STOX2: variants seen among roughly 807,000 people sequenced by gnomAD.
STOX2 encodes storkhead box 2, also known as storkhead-box protein 2.
Under a neutral mutation model 60.9 loss-of-function variants are expected in STOX2, and 28 were observed. The ratio of observed to expected loss-of-function variants is 0.46; its 90% CI spans 0.34 to 0.63. The LOEUF (loss-of-function observed/expected upper bound fraction) is 0.63. Ranked by LOEUF, STOX2 falls within the 30% of genes least tolerant of loss-of-function variation. The pLI is 0.01. For missense variants in STOX2, 1,024 were observed against 1,187.7 expected, an observed-to-expected ratio of 0.86 and a Z score of 2.03; for synonymous variants, 472 against 463.9, an observed-to-expected ratio of 1.02 and a Z score of -0.22.
chr4:183,828,181 C>T (rs918516841), intron 1 of STOX2, among the ~76,000 whole-genome samples: 2 of 152,154 alleles, frequency 1.3e-5, no homozygotes, highest in African/African-American at 2.4e-5. Context: ...TTGCAAGGCA[C>T]GGTTTGAGGC....
chr4:183,932,379 GTATA>G (rs1257733254), intron 1 of STOX2, among the ~76,000 whole-genome samples: 1 of 13,622 alleles, frequency 7.3e-5, no homozygotes, highest in Admixed American at 8.9e-4. Context: ...TATACATACA[GTATA>G]TGTATGTATA....
intron 1 of STOX2, among the ~76,000 whole-genome samples, chr4:184,000,577 T>A (rs1369795605): frequency 2.6e-5 from 4 of 152,184 alleles, no homozygotes; most frequent in Non-Finnish European, 5.9e-5. Context: ...CCTACCTACC[T>A]GTCCCCCTTC....
chr4:184,011,230 G>T lies in STOX2; in HGVS notation c.2392G>T (p.Asp798Tyr), dbSNP rs762070431. Residue 798 changes from aspartate to tyrosine, a missense_variant, in exon 3 of 4, where the codon GAC (aspartate) becomes TAC (tyrosine). Asp to Tyr is a radical substitution (Grantham distance 160, BLOSUM62 -3). Transcript: ENST00000308497. The surrounding 1 kb of genome is among the most constrained non-coding windows in gnomAD (Gnocchi z 4.4). Reference protein sequence around the residue: ...KNTEEEKNREDVGTMQWLLER... With the variant: ...KNTEEEKNREYVGTMQWLLER... ...CACAGAGGAGGAGAAAAATAGAGAGGACGTAGGCACCATGCAGTGGCTCCT... is the reference window on the plus strand; with the variant it reads ...CACAGAGGAGGAGAAAAATAGAGAGTACGTAGGCACCATGCAGTGGCTCCT... 2.0e-5 allele frequency: 33 copies of T among 1,612,000 alleles called. No homozygotes were observed. The highest frequency in any genetic ancestry group is 2.6e-5 in the Non-Finnish European group (31 of 1,179,090).
chr4:183,837,369 A>G (rs1430651679), intron 1 of STOX2, among the ~76,000 whole-genome samples: 1 of 151,834 alleles, frequency 6.6e-6, no homozygotes, highest in Non-Finnish European at 1.5e-5. Context: ...GGAGTTTCCT[A>G]TTCTAGGTAC....
intron 1 of STOX2, among the ~76,000 whole-genome samples, chr4:183,919,435 G>C (rs13123798): frequency 0.56 from 84,339 of 151,864 alleles, 24,552 homozygotes; most frequent in Non-Finnish European, 0.66. Context: ...GTCAGGCCCC[G>C]CCGGGAGGTG....
chr4:183,800,756 A>G (rs1326172861), intron 1 of STOX2, among the ~76,000 whole-genome samples: 1 of 152,210 alleles, frequency 6.6e-6, no homozygotes, highest in African/African-American at 2.4e-5. Context: ...TGTGTTTCAG[A>G]TGATCTCTTA....
At chr4:183,929,199 A>G (rs946278582) in intron 1 of STOX2, among the ~76,000 whole-genome samples, 2 of 152,232 alleles carry the variant, frequency 1.3e-5, no homozygotes, top group East Asian at 3.8e-4. Flanking sequence ...CCCATTGCTC[A>G]TGGCTGGTTT....
intron 1 of STOX2, among the ~76,000 whole-genome samples, chr4:183,970,731 CT>C: frequency 6.6e-6 from 1 of 152,350 alleles, no homozygotes; most frequent in African/African-American, 2.4e-5. Flanking sequence ...GATTAAAATC[CT>C]CATTTGGGTC....
At chr4:183,886,668 T>TA in intron 1 of STOX2, among the ~76,000 whole-genome samples, 1 of 152,106 alleles carries the variant, frequency 6.6e-6, no homozygotes, top group African/African-American at 2.4e-5. Context: ...AGTAGTGGGG[T>TA]AAGTAGTGTG....
intron 1 of STOX2, among the ~76,000 whole-genome samples, chr4:183,938,211 C>T (rs1257351355): frequency 6.6e-6 from 1 of 152,172 alleles, no homozygotes; most frequent in Non-Finnish European, 1.5e-5. Flanking sequence ...TTCCATTCTC[C>T]TTAACATACC....
chr4:184,019,480 A>G lies in STOX2; in HGVS notation c.*2196A>G, dbSNP rs1401028399. On this transcript the variant is annotated 3_prime_UTR_variant, in exon 4 of 4. Coordinates refer to ENST00000308497, the MANE Select transcript of STOX2 (RefSeq NM_020225.3). ...AATAATATAACCATTGAAACAACACATCAGCCTCTAGCTGATCCTCTGAAA... is the reference window on the plus strand; with the variant it reads ...AATAATATAACCATTGAAACAACACGTCAGCCTCTAGCTGATCCTCTGAAA... The G allele has an allele frequency of 6.6e-6, 1 of 152,244 alleles. No individual in the cohort carries two copies. The highest frequency in any genetic ancestry group is 1.5e-5 in the Non-Finnish European group (1 of 68,038). The allele number at this position is 152,244 out of a possible 1,614,324, so 9.4% of individuals were successfully genotyped here. A position where few individuals can be genotyped will look rare whatever the true frequency, so the allele number is the denominator to read the frequency against.
chr4:183,979,695 A>G (rs1299747206), intron 1 of STOX2, among the ~76,000 whole-genome samples: 1 of 152,184 alleles, frequency 6.6e-6, no homozygotes, highest in Non-Finnish European at 1.5e-5. Flanking sequence ...AGAAAGTTCC[A>G]TACGACACTA....
chr4:183,948,540 C>CTTT (rs10687778), intron 1 of STOX2, among the ~76,000 whole-genome samples: 18,653 of 77,456 alleles, frequency 0.24, 3,122 homozygotes, highest in East Asian at 0.29. Context: ...ATGCCTTATC[C>CTTT]TTTTTTTTTT....
At chr4:183,997,343 C>T (rs1733385188) in intron 1 of STOX2, among the ~76,000 whole-genome samples, 1 of 152,196 alleles carries the variant, frequency 6.6e-6, no homozygotes, top group Non-Finnish European at 1.5e-5. Flanking sequence ...GTTCAAAGAA[C>T]AGAGGAGGTC....
intron 1 of STOX2, among the ~76,000 whole-genome samples, chr4:183,995,434 GT>G (rs544243726): frequency 6.7e-6 from 1 of 149,858 alleles, no homozygotes; most frequent in African/African-American, 2.5e-5. Context: ...GTGAGAGAGA[GT>G]TTTTTTTAAA....
intron 1 of STOX2, among the ~76,000 whole-genome samples, chr4:183,993,226 CAA>C (rs1342972352): frequency 6.6e-6 from 1 of 152,166 alleles, no homozygotes; most frequent in Admixed American, 6.5e-5. Flanking sequence ...ATCTCAGTAA[CAA>C]GAGCAATAGC....
chr4:183,816,723 C>T (rs1180169298), intron 1 of STOX2, among the ~76,000 whole-genome samples: 1 of 152,130 alleles, frequency 6.6e-6, no homozygotes, highest in African/African-American at 2.4e-5. Flanking sequence ...TTCTTCCACA[C>T]ATGAGATGGA....
chr4:183,829,418 G>C (rs1295599208), intron 1 of STOX2, among the ~76,000 whole-genome samples: 1 of 152,150 alleles, frequency 6.6e-6, no homozygotes, highest in Non-Finnish European at 1.5e-5. Context: ...TCATTTGTTT[G>C]TCTTTGTCAC....
At chr4:183,942,151 C>T (rs1742769760) in intron 1 of STOX2, among the ~76,000 whole-genome samples, 1 of 152,158 alleles carries the variant, frequency 6.6e-6, no homozygotes, top group African/African-American at 2.4e-5. Flanking sequence ...CTGAGATCAG[C>T]AGCCAACAGT....
Sources: allele counts gnomAD v4.1 joint callset (sites outside exome capture counted in the v4.1 genomes callset), GRCh38; gene constraint gnomAD v4.1.1; non-coding constraint Gnocchi (gnomAD v3.1); transcripts MANE v1.5; gene names NCBI Gene and HGNC (gene_info 2026-07-23, HGNC 2026-07-21).